PCDHAC2: variants seen among roughly 807,000 people sequenced by gnomAD.
PCDHAC2 encodes protocadherin alpha-C2.
PCDHAC2 carries 24 observed loss-of-function variants against 63.3 expected under a neutral mutation model. The ratio of observed to expected loss-of-function variants is 0.38; its 90% CI spans 0.27 to 0.53. The LOEUF is 0.53. Ranked by LOEUF, PCDHAC2 falls within the 20% of genes least tolerant of loss-of-function variation. The pLI, the probability that PCDHAC2 is intolerant of heterozygous loss-of-function variation, is 0.81. For synonymous variants in PCDHAC2, 569 were observed against 529.4 expected (o/e 1.07, Z -1.03); for missense variants, 1,181 against 1,275.2 (o/e 0.93, Z 1.12).
At chr5:140,970,082 G>C (rs1203003794) in intron 1 of PCDHAC2, among the ~76,000 whole-genome samples, 1 of 152,178 alleles carries the variant, frequency 6.6e-6, no homozygotes, top group Non-Finnish European at 1.5e-5. Context: ...TGGATTAGGG[G>C]TGTGGGGGGA....
At chr5:140,973,273 C>A (rs1180418925) in intron 1 of PCDHAC2, among the ~76,000 whole-genome samples, 1 of 152,150 alleles carries the variant, frequency 6.6e-6, no homozygotes, top group Non-Finnish European at 1.5e-5. Flanking sequence ...ACTTTTATTT[C>A]CCCCAGCACT....
At chr5:140,981,692 T>C (rs1168412872) in intron 2 of PCDHAC2, among the ~76,000 whole-genome samples, 1 of 150,826 alleles carries the variant, frequency 6.6e-6, no homozygotes, top group Non-Finnish European at 1.5e-5. Flanking sequence ...CTTCCATCAT[T>C]CATTCATTCA....
intron 3 of PCDHAC2, among the ~76,000 whole-genome samples, chr5:140,984,425 A>G (rs1488284803): frequency 6.6e-6 from 1 of 152,174 alleles, no homozygotes; most frequent in Non-Finnish European, 1.5e-5. Context: ...GAGATAGAGA[A>G]GGGGATCTCC....
At position 141,011,477 on chromosome 5, in the gene PCDHAC2, T is replaced by C. The variant is rs1256394490; in HGVS notation, c.*1540T>C. 2 of 153,818 alleles carry C rather than the reference T, an allele frequency of 1.3e-5. No homozygotes were observed. Among genetic ancestry groups the C allele is most frequent in the Non-Finnish European group, 2.9e-5 (2 of 68,052 alleles). The allele number at this position is 153,818 out of a possible 1,614,324, so 9.5% of individuals were successfully genotyped here. ...TTTATTGTTGAATGTAATTCCATTA[T>C]ATTTCCTTTTGTACACCTGTGAAAA... On this transcript the variant is annotated 3_prime_UTR_variant, in exon 4 of 4. Transcript: ENST00000289269.
chr5:140,994,788 C>G (rs139745274), intron 3 of PCDHAC2, among the ~76,000 whole-genome samples: 1 of 152,194 alleles, frequency 6.6e-6, no homozygotes, highest in East Asian at 1.9e-4. Context: ...GGAAACAATG[C>G]GTGCATGCAA....
In PCDHAC2 at chr5:140,968,932, A is replaced by G; in HGVS notation, c.2166A>G (p.Thr722=). The G allele has an allele frequency of 1.9e-6, 3 of 1,614,164 alleles. No homozygotes were observed. Among genetic ancestry groups the G allele is most frequent in the Non-Finnish European group, 2.5e-6 (3 of 1,180,022 alleles). ...LSTVSFIFLL[T]IIILSIIKCY... is the part of the protein sequence containing the mutation. ...CAGTGTCTTTTATATTTCTTTTGAC[A>G]ATCATCATTTTGAGCATCATCAAGT... Residue 722 remains threonine (T), a synonymous_variant, in exon 1 of 4, where the codon ACA becomes ACG. Transcript: ENST00000289269.
Position 140,991,900 on chromosome 5 carries a change from ATCCC to A in PCDHAC2, c.2713+9339_2713+9342del, listed in dbSNP as rs576684602. Reference sequence around the variant, plus strand: ...GGCTGCCATAACAAATTAACACAAAATCCCTTTTGCCATGTAACATAACATATTC... The same window carrying A: ...GGCTGCCATAACAAATTAACACAAAATTTTGCCATGTAACATAACATATTC... On this transcript the variant is annotated intron_variant, in intron 3 of 3. Coordinates refer to ENST00000289269, the MANE Select transcript of PCDHAC2 (RefSeq NM_018899.6). Among the ~76,000 whole-genome samples, 390 of 152,250 alleles carry A rather than the reference ATCCC, an allele frequency of 2.6e-3. 2 individuals carry two copies. The highest frequency in any genetic ancestry group is 4.8e-3 in the South Asian group (23 of 4,818).
At chr5:141,000,414 TATA>T (rs1563651539) in intron 3 of PCDHAC2, among the ~76,000 whole-genome samples, 16 of 99,530 alleles carry the variant, frequency 1.6e-4, no homozygotes, top group African/African-American at 2.5e-4. Flanking sequence ...TATATATATA[TATA>T]TATATTTTTT....
chr5:140,977,850 T>C (rs1416064195), intron 1 of PCDHAC2, among the ~76,000 whole-genome samples: 5 of 152,236 alleles, frequency 3.3e-5, no homozygotes, highest in African/African-American at 1.2e-4. Flanking sequence ...TATGGCTTTG[T>C]TTCTACCAAA....
At chr5:140,976,871 A>G (rs2096735171) in intron 1 of PCDHAC2, among the ~76,000 whole-genome samples, 2 of 152,224 alleles carry the variant, frequency 1.3e-5, no homozygotes, top group Non-Finnish European at 2.9e-5. Flanking sequence ...TGTCTGACAA[A>G]GAAAGAATTA....
intron 1 of PCDHAC2, 170 bp from the exon 2 acceptor site, chr5:140,978,779 C>T: frequency 2.1e-6 from 2 of 969,908 alleles, no homozygotes; most frequent in Non-Finnish European, 2.5e-6. Flanking sequence ...TAATTTTCTT[C>T]TAAAGTGCTA....
chr5:141,002,437 T>C (rs1238744621), intron 3 of PCDHAC2, among the ~76,000 whole-genome samples: 1 of 152,186 alleles, frequency 6.6e-6, no homozygotes, highest in Non-Finnish European at 1.5e-5. Context: ...GCAATAACCA[T>C]AATAATTGGC....
rs1289458266 is a variant in PCDHAC2 at position 140,968,591 on chromosome 5, G to A, written c.1825G>A (p.Ala609Thr). The A allele has an allele frequency of 1.9e-6, 3 of 1,614,098 alleles. No individual in the cohort carries two copies. The highest frequency in any genetic ancestry group is 2.5e-6 in the Non-Finnish European group (3 of 1,180,056). Residue 609 changes from alanine to threonine, a missense_variant, in exon 1 of 4, where the codon GCT (alanine) becomes ACT (threonine). Around this residue, in one of 3 missense-constraint regions of PCDHAC2, gnomAD observed 968 missense variants for 1,073.5 expected, o/e 0.90. Transcript: ENST00000289269. Reference sequence around the variant, plus strand: ...TGGCTACCTGGTCACCAAAGTCATAGCTATGGACTCAGACTCTGGGCAAAA... The same window carrying A: ...TGGCTACCTGGTCACCAAAGTCATAACTATGGACTCAGACTCTGGGCAAAA... ...PAGYLVTKVI[A>T]MDSDSGQNAW...
rs1554229425 is a variant in PCDHAC2, at chr5:140,967,312, A to G, written c.546A>G (p.Val182=). The G allele has an allele frequency of 5.0e-6, 8 of 1,611,226 alleles. No homozygotes were observed. The highest frequency in any genetic ancestry group is 1.7e-5 in the Admixed American group (1 of 59,834). ...AQDPDVGANS[V]QTYELSPSEH... is the part of the protein sequence containing the mutation. ...ACCCCGACGTGGGCGCCAACTCAGTACAGACCTACGAGCTCAGCCCCAGCG... is the reference window on the plus strand; with the variant it reads ...ACCCCGACGTGGGCGCCAACTCAGTGCAGACCTACGAGCTCAGCCCCAGCG... The change falls in exon 1 of 4, where the codon GTA becomes GTG. Residue 182 remains valine (V), a synonymous_variant. Transcript: ENST00000289269.
intron 1 of PCDHAC2, among the ~76,000 whole-genome samples, chr5:140,977,003 T>G (rs1382476176): frequency 6.6e-6 from 1 of 152,248 alleles, no homozygotes; most frequent in Non-Finnish European, 1.5e-5. Flanking sequence ...AGAAATCTTG[T>G]AACTGTGATT....
At chr5:141,008,435 G>C (rs2098377041) in intron 3 of PCDHAC2, among the ~76,000 whole-genome samples, 1 of 152,160 alleles carries the variant, frequency 6.6e-6, no homozygotes, top group South Asian at 2.1e-4. Context: ...ACTTTGCCCA[G>C]ACAGACCATT....
At chr5:141,005,436 G>T (rs1554260042) in intron 3 of PCDHAC2, among the ~76,000 whole-genome samples, 2 of 152,080 alleles carry the variant, frequency 1.3e-5, no homozygotes, top group East Asian at 1.9e-4. Flanking sequence ...TGGATGAGAG[G>T]CTCACGCCTG....
At chr5:140,996,802 T>C (rs1554255415) in intron 3 of PCDHAC2, among the ~76,000 whole-genome samples, 1 of 152,218 alleles carries the variant, frequency 6.6e-6, no homozygotes, top group Non-Finnish European at 1.5e-5. Flanking sequence ...CATCCAATCA[T>C]GCTTTCCAAA....
In PCDHAC2 at chr5:140,978,974, G is replaced by A. The variant is rs150254638; in HGVS notation, c.2591G>A (p.Arg864His). The A allele has an allele frequency of 2.1e-3, 3,356 of 1,614,130 alleles. 1 individual carries two copies. The highest frequency in any genetic ancestry group is 2.7e-3 in the Non-Finnish European group (3,158 of 1,180,020). The change falls in exon 2 of 4, where the codon CGT becomes CAT. Residue 864 changes from arginine (R) to histidine (H), a missense_variant. Around this residue, in one of 3 missense-constraint regions of PCDHAC2, gnomAD observed 968 missense variants for 1,073.5 expected, o/e 0.90. Coordinates refer to ENST00000289269, the MANE Select transcript of PCDHAC2 (RefSeq NM_018899.6). ...NEPRQPNPDW[R>H]YSASLRAGMH... is the part of the protein sequence containing the mutation. ...CCACGACAGCCCAACCCTGACTGGC[G>A]TTACTCTGCCTCCCTGAGAGCAGGC...
Sources: gnomAD v4.1 joint callset for allele counts (sites outside exome capture counted in the v4.1 genomes callset) on GRCh38, gnomAD v4.1.1 for gene constraint, gnomAD v4.1.1 regional missense constraint, MANE v1.5 for transcripts, NCBI Gene and HGNC (gene_info 2026-07-23, HGNC 2026-07-21) for gene names.